The following TRAK1 variants were observed in gnomAD, a reference collection of about 807,000 sequenced individuals.
TRAK1 encodes trafficking kinesin protein 1.
In TRAK1, 33 loss-of-function variants were observed where a neutral mutation model predicts 92.1. The observed-to-expected ratio is 0.36, with a 90% CI of 0.27 to 0.48. TRAK1 has a LOEUF of 0.48. TRAK1 is among the 20% of genes least tolerant of loss of function. The probability of loss-of-function intolerance (pLI) is 0.99; values close to 1 mark genes in which losing one functional copy is unlikely to be tolerated. For synonymous variants in TRAK1, 521 were observed against 517.3 expected (o/e 1.01, Z -0.10); for missense variants, 1,123 against 1,257.9 (o/e 0.89, Z 1.62).
rs1704508803 is a variant in TRAK1 at position 42,184,604 on chromosome 3, C to T, written c.364-81C>T. 5.3e-6 allele frequency: 7 copies of T among 1,321,688 alleles called. No homozygotes were observed. The South Asian group carries it at 6.6e-5, about 12-fold the overall frequency. The allele number at this position is 1,321,688 out of a possible 1,614,324, so 81.9% of individuals were successfully genotyped here. A position where few individuals can be genotyped will look rare whatever the true frequency, so the allele number is the denominator to read the frequency against. On this transcript the variant is annotated intron_variant, in intron 3 of 15. Transcript: ENST00000327628. Reference sequence around the variant, plus strand: ...GTTATTTCTAGATGCTTATGTTTTCCTCATTTGACACTGAGCACCATTGAC... The same window carrying T: ...GTTATTTCTAGATGCTTATGTTTTCTTCATTTGACACTGAGCACCATTGAC...
chr3:42,173,637 C>T (rs1702836215), intron 2 of TRAK1, among the ~76,000 whole-genome samples: 1 of 152,160 alleles, frequency 6.6e-6, no homozygotes, highest in Non-Finnish European at 1.5e-5. Flanking sequence ...CTCTCGTGTC[C>T]TTTATGGTCT....
At chr3:42,016,299 G>A (rs1701524353) in intron 1 of TRAK1, among the ~76,000 whole-genome samples, 1 of 152,072 alleles carries the variant, frequency 6.6e-6, no homozygotes, top group Non-Finnish European at 1.5e-5. Flanking sequence ...CCACCTCACA[G>A]GTTCAAGTGA....
chr3:42,209,891 C>T lies in TRAK1; in HGVS notation c.1869C>T (p.Tyr623=). The change falls in exon 14 of 16, where the codon TAC becomes TAT. Residue 623 remains tyrosine (Y), a synonymous_variant. Transcript: ENST00000327628. ...TGGATGTTGACCTGGACGAAGTGTACTGCCTTAACGACTTTGAAGAAGATG... is the reference window on the plus strand; with the variant it reads ...TGGATGTTGACCTGGACGAAGTGTATTGCCTTAACGACTTTGAAGAAGATG... The part of the protein sequence containing the change: ...RTLDVDLDEV[Y]CLNDFEEDDT... 6 of 1,614,216 alleles carry T rather than the reference C, an allele frequency of 3.7e-6. No individual in the cohort carries two copies. The highest frequency in any genetic ancestry group is 3.3e-5 in the South Asian group (3 of 91,080).
chr3:42,074,814 G>A (rs1244973462), intron 1 of TRAK1, among the ~76,000 whole-genome samples: 1 of 152,038 alleles, frequency 6.6e-6, no homozygotes, highest in African/African-American at 2.4e-5. Context: ...TGTACCTAAT[G>A]GAATGGGTAG....
chr3:42,034,467 A>G (rs1367077017), intron 1 of TRAK1, among the ~76,000 whole-genome samples: 2 of 151,908 alleles, frequency 1.3e-5, no homozygotes, highest in East Asian at 3.9e-4. Flanking sequence ...TAATTTTTGT[A>G]TTTCTTATAG....
At chr3:42,055,738 T>G (rs1425305561) in intron 1 of TRAK1, among the ~76,000 whole-genome samples, 1 of 152,172 alleles carries the variant, frequency 6.6e-6, no homozygotes, top group East Asian at 1.9e-4. Context: ...GCTGAGATTA[T>G]AGATGTGAGC....
intron 1 of TRAK1, among the ~76,000 whole-genome samples, chr3:42,073,023 G>A (rs867652588): frequency 1.3e-5 from 2 of 152,202 alleles, no homozygotes; most frequent in Admixed American, 6.5e-5. Flanking sequence ...GGGCCTGAGT[G>A]TATATGAAAT....
At chr3:42,107,532 G>T (rs895055680) in intron 1 of TRAK1, among the ~76,000 whole-genome samples, 3 of 148,138 alleles carry the variant, frequency 2.0e-5, no homozygotes, top group African/African-American at 4.9e-5. Context: ...AAAAAAAAAA[G>T]AAATTAATTA....
chr3:42,211,617 A>G (rs771922817), intron 14 of TRAK1: 66 of 985,282 alleles, frequency 6.7e-5, no homozygotes, highest in Non-Finnish European at 7.5e-5. Flanking sequence ...GTAGAATAGA[A>G]GGTGAGTTCT....
intron 13 of TRAK1, among the ~76,000 whole-genome samples, chr3:42,204,891 T>C (rs970258072): frequency 2.0e-5 from 3 of 152,206 alleles, no homozygotes; most frequent in Non-Finnish European, 4.4e-5. Flanking sequence ...TCAGACTTCT[T>C]AGCTGTTACA....
intron 2 of TRAK1, chr3:42,160,096 C>A: frequency 2.6e-5 from 22 of 830,686 alleles, no homozygotes; most frequent in Non-Finnish European, 2.8e-5. Flanking sequence ...GGCATTCCCA[C>A]CCCGCCAAGT....
intron 2 of TRAK1, among the ~76,000 whole-genome samples, chr3:42,131,665 C>T (rs1441695726): frequency 1.3e-5 from 2 of 151,960 alleles, no homozygotes; most frequent in Non-Finnish European, 2.9e-5. Context: ...TTGCAGTGAG[C>T]CGAGATTGTG....
chr3:42,085,832 A>G (rs186005122), upstream of TRAK1, among the ~76,000 whole-genome samples: 16 of 152,364 alleles, frequency 1.1e-4, no homozygotes, highest in Admixed American at 3.9e-4. Flanking sequence ...ATTGAAACAT[A>G]AGATGTAAAA....
intron 2 of TRAK1, among the ~76,000 whole-genome samples, chr3:42,170,943 C>T (rs1165140569): frequency 1.3e-5 from 2 of 151,854 alleles, no homozygotes; most frequent in Non-Finnish European, 2.9e-5. Flanking sequence ...CCTGCCTCAG[C>T]CTCCCCAGTG....
At chr3:42,103,610 C>A (rs1707112419) in intron 1 of TRAK1, among the ~76,000 whole-genome samples, 1 of 152,142 alleles carries the variant, frequency 6.6e-6, no homozygotes. Context: ...GTACACTTAA[C>A]AGACATTTTA....
intron 1 of TRAK1, among the ~76,000 whole-genome samples, chr3:42,101,477 A>G (rs1706742683): frequency 6.6e-6 from 1 of 152,178 alleles, no homozygotes; most frequent in Non-Finnish European, 1.5e-5. Context: ...GGTGCCAGTC[A>G]CCTCTGAATT....
At chr3:42,212,219 G>C (rs1373595380) in intron 14 of TRAK1, 29 of 985,350 alleles carry the variant, frequency 2.9e-5, no homozygotes, top group Non-Finnish European at 2.9e-5. Flanking sequence ...GGCATCCTCT[G>C]TCTTGGGATT....
At chr3:42,217,307 G>A (rs969986376) in intron 14 of TRAK1, 16 of 985,188 alleles carry the variant, frequency 1.6e-5, no homozygotes, top group Middle Eastern at 5.2e-4. Context: ...GGGTCCAGGC[G>A]TCCTGGTGGT....
In TRAK1 at chr3:42,191,766, AG is replaced by A. The variant is rs1230633571; in HGVS notation, c.769+132del. 67 of 910,348 alleles carry A rather than the reference AG, an allele frequency of 7.4e-5. No individual in the cohort carries two copies. The East Asian group carries it at 1.8e-3, about 24-fold the overall frequency. 56.4% of individuals were successfully genotyped at this position (910,348 alleles called of 1,614,324 possible). ...TCAGCAGCATTTTTCTTAAAACTAG[AG>A]GCCTCCCCAACCTTGTGTGGCACCC... On this transcript the variant is annotated intron_variant, in intron 7 of 15. Coordinates refer to ENST00000327628, the MANE Select transcript of TRAK1 (RefSeq NM_001042646.3).
Sources: allele counts gnomAD v4.1 joint callset (sites outside exome capture counted in the v4.1 genomes callset), GRCh38; gene constraint gnomAD v4.1.1; transcripts MANE v1.5; gene names NCBI Gene and HGNC (gene_info 2026-07-23, HGNC 2026-07-21).